The following PCDH15 variants were observed in gnomAD, a reference collection of about 807,000 sequenced individuals.
PCDH15 encodes the protein protocadherin related 15, also known as protocadherin-15.
A neutral mutation model predicts 178.5 loss-of-function variants in PCDH15; 129 were observed. That is an observed-to-expected ratio of 0.72 (90% CI 0.63 to 0.84). The LOEUF is 0.84. Among genes scored for constraint, PCDH15 ranks in the 40% least tolerant of loss-of-function variants. The pLI, the probability that PCDH15 is intolerant of heterozygous loss-of-function variation, is 0.00. For missense variants in PCDH15, 2,230 were observed against 2,099.9 expected (o/e 1.06, Z -1.21); for synonymous variants, 800 against 732.0 (o/e 1.09, Z -1.50).
chr10:54,254,152 T>C (rs1591438429), intron 8 of PCDH15, among the ~76,000 whole-genome samples: 1 of 152,204 alleles, frequency 6.6e-6, no homozygotes, highest in East Asian at 1.9e-4. Context: ...GTATTTAAAA[T>C]TGAATAAAGA....
chr10:54,234,887 C>T (rs1042361722), intron 9 of PCDH15, among the ~76,000 whole-genome samples: 2 of 152,132 alleles, frequency 1.3e-5, no homozygotes, highest in African/African-American at 4.8e-5. Context: ...TCATTTCACT[C>T]AGAGAAAAAT....
intron 18 of PCDH15, among the ~76,000 whole-genome samples, chr10:54,061,581 A>G (rs778171777): frequency 3.9e-5 from 6 of 151,986 alleles, no homozygotes; most frequent in Non-Finnish European, 8.8e-5. Context: ...AGAACCAAGA[A>G]TAATCTGCTT....
At chr10:55,424,772 T>A (rs1176473673) in intron 2 of PCDH15, among the ~76,000 whole-genome samples, 1 of 152,064 alleles carries the variant, frequency 6.6e-6, no homozygotes, top group African/African-American at 2.4e-5. Flanking sequence ...ACTCTCACTC[T>A]GAGGGAATAG....
At chr10:54,714,188 A>G in intron 1 of PCDH15, among the ~76,000 whole-genome samples, 1 of 152,154 alleles carries the variant, frequency 6.6e-6, no homozygotes. Flanking sequence ...GTAATCAGAG[A>G]AGGAGATCTC....
chr10:54,244,696 T>C (rs532446768), intron 8 of PCDH15, among the ~76,000 whole-genome samples: 2 of 152,344 alleles, frequency 1.3e-5, no homozygotes, highest in South Asian at 2.1e-4. Flanking sequence ...ACAACTATTC[T>C]GGTTCCTACT....
At chr10:54,346,552 A>G in intron 5 of PCDH15, 68 bp from the exon 6 acceptor site, 1 of 1,579,868 alleles carries the variant, frequency 6.3e-7, no homozygotes, top group Non-Finnish European at 8.6e-7. Flanking sequence ...ATGTTACAGC[A>G]TAAAAATCAG....
At position 54,317,326 on chromosome 10, in the gene PCDH15, G is replaced by A; in HGVS notation, c.821C>T (p.Thr274Ile). ...ATAAGTGAGTGGACGGCAATCACGA[G>A]TGTTTGGCACAAGGACACAAGGAAG... ...MFLPCVLVPN[T>I]RDCRPLTYQA... The change falls in exon 8 of 38, where the codon ACT becomes ATT. Residue 274 changes from threonine (T) to isoleucine (I), a missense_variant. Coordinates refer to ENST00000644397, the MANE Select transcript of PCDH15 (RefSeq NM_001384140.1). 2 of 1,614,006 alleles carry A rather than the reference G, an allele frequency of 1.2e-6. No individual in the cohort carries two copies. Among genetic ancestry groups the A allele is most frequent in the East Asian group, 2.2e-5 (1 of 44,862 alleles).
intron 15 of PCDH15, among the ~76,000 whole-genome samples, chr10:54,095,020 C>T (rs1036007890): frequency 1.3e-5 from 2 of 152,078 alleles, no homozygotes; most frequent in East Asian, 1.9e-4. Context: ...CATCAAATAC[C>T]GTCTGATAGA....
At chr10:55,053,014 G>A (rs1294429261) in intron 2 of PCDH15, among the ~76,000 whole-genome samples, 1 of 152,140 alleles carries the variant, frequency 6.6e-6, no homozygotes, top group Non-Finnish European at 1.5e-5. Flanking sequence ...AAGCAACCAC[G>A]TTGGTGAGAG....
At chr10:55,249,028 T>C (rs186653672) in intron 1 of PCDH15, among the ~76,000 whole-genome samples, 2 of 152,308 alleles carry the variant, frequency 1.3e-5, no homozygotes, top group Non-Finnish European at 2.9e-5. Flanking sequence ...ATGTCATACC[T>C]TGTGATAAAA....
intron 2 of PCDH15, among the ~76,000 whole-genome samples, chr10:55,560,032 A>G (rs192997591): frequency 4.5e-4 from 68 of 152,070 alleles, no homozygotes; most frequent in African/African-American, 1.6e-3. Context: ...TTTCCAATGC[A>G]TTTAAGAGTT....
At chr10:55,604,843 A>G (rs1843176246) in intron 2 of PCDH15, among the ~76,000 whole-genome samples, 1 of 137,950 alleles carries the variant, frequency 7.2e-6, no homozygotes, top group South Asian at 2.5e-4. Flanking sequence ...GAACTAGAAA[A>G]GCAAGAGCAA....
chr10:54,452,284 A>G (rs1321512336), intron 3 of PCDH15: 1 of 152,020 alleles, frequency 6.6e-6, no homozygotes, highest in Non-Finnish European at 1.5e-5. Flanking sequence ...ACACTTGAAT[A>G]ATCAAAATTT....
intron 6 of PCDH15, among the ~76,000 whole-genome samples, chr10:54,345,148 T>G (rs1943033671): frequency 6.6e-6 from 1 of 151,866 alleles, no homozygotes; most frequent in Non-Finnish European, 1.5e-5. Flanking sequence ...TTCTTTGCTA[T>G]GCAACAGAGA....
At chr10:53,807,917 C>A (rs1841307479) in intron 37 of PCDH15, among the ~76,000 whole-genome samples, 1 of 152,030 alleles carries the variant, frequency 6.6e-6, no homozygotes, top group Non-Finnish European at 1.5e-5. Flanking sequence ...AAGGGTTAAG[C>A]AATACTGTGT....
chr10:54,183,629 T>C, intron 12 of PCDH15, 36 bp from the exon 13 acceptor site: 1 of 1,610,268 alleles, frequency 6.2e-7, no homozygotes, highest in African/African-American at 1.3e-5. Context: ...GTAGAGATGT[T>C]CTGCAAATAT....
chr10:55,039,460 G>A (rs1840814424), intron 2 of PCDH15, among the ~76,000 whole-genome samples: 1 of 152,052 alleles, frequency 6.6e-6, no homozygotes, highest in Non-Finnish European at 1.5e-5. Context: ...CATATAAAAA[G>A]GAGAGTGGTG....
chr10:53,936,921 G>A (rs1018639130), intron 25 of PCDH15, among the ~76,000 whole-genome samples: 163 of 152,120 alleles, frequency 1.1e-3, no homozygotes, highest in African/African-American at 3.8e-3. Context: ...TTGACTATAG[G>A]CCATTAACAG....
At position 55,545,160 on chromosome 10, in the gene PCDH15, C is replaced by T. The variant is rs752693795; in HGVS notation, c.-156+82465G>A. 6.4e-4 allele frequency among the ~76,000 whole-genome samples: 97 copies of T among 152,082 alleles called. 1 individual carries two copies. The highest frequency in any genetic ancestry group is 1.3e-3 in the Non-Finnish European group (85 of 67,974). The stretch of plus-strand genomic sequence containing the variant: ...AAGAAGACTACTGTGCTGTAAGTAC[C>T]ACAGAACCAAAATATTTAGTCTGTC... On this transcript the variant is annotated intron_variant, in intron 2 of 5. Transcript: ENST00000613346.
Sources: gnomAD v4.1 joint callset for allele counts (sites outside exome capture counted in the v4.1 genomes callset) on GRCh38, gnomAD v4.1.1 for gene constraint, MANE v1.5 for transcripts, NCBI Gene and HGNC (gene_info 2026-07-23, HGNC 2026-07-21) for gene names.